The following ADGRV1 variants were observed in gnomAD, a reference collection of about 807,000 sequenced individuals.
ADGRV1 encodes adhesion G protein-coupled receptor V1, also known as G-protein coupled receptor 98.
ADGRV1 carries 359 observed loss-of-function variants against 596.2 expected under a neutral mutation model. The ratio of observed to expected loss-of-function variants is 0.60; its 90% CI spans 0.55 to 0.66. ADGRV1 has a LOEUF of 0.66. ADGRV1 is among the 30% of genes least tolerant of loss of function. The pLI is 0.00. For missense variants in ADGRV1, 7,274 were observed against 7,575.6 expected, an observed-to-expected ratio of 0.96 and a Z score of 1.48; for synonymous variants, 2,681 against 2,679.2, an observed-to-expected ratio of 1.00 and a Z score of -0.02.
At chr5:90,719,320 C>CATAAATAAATAA (rs3045849) in intron 43 of ADGRV1, among the ~76,000 whole-genome samples, 17 of 149,470 alleles carry the variant, frequency 1.1e-4, no homozygotes, top group South Asian at 8.7e-4. Context: ...GACTCTGTCT[C>CATAAATAAATAA]ATAAATAAAT....
rs770210190 is a variant in ADGRV1, at chr5:90,628,542, TTTC to T, written c.1239-17_1239-15del. 2 of 1,605,330 alleles carry T rather than the reference TTTC, an allele frequency of 1.2e-6. No homozygotes were observed. The highest frequency in any genetic ancestry group is 1.7e-6 in the Non-Finnish European group (2 of 1,172,876). ...AAAGTGTACTATGTGACAATATGTA[TTTC>T]TTTTAAAACATTTAAGATATGAAGA... is the stretch of plus-strand genomic sequence containing the variant. On this transcript the variant is annotated splice_polypyrimidine_tract_variant and intron_variant, in intron 7 of 89. Coordinates refer to ENST00000405460, the MANE Select transcript of ADGRV1 (RefSeq NM_032119.4).
Position 90,628,468 on chromosome 5 carries a change from C to G in ADGRV1, c.1239-94C>G, listed in dbSNP as rs1050746397. The G allele has an allele frequency of 5.1e-6, 5 of 981,566 alleles. No individual in the cohort carries two copies. The African/African-American group carries it at 8.1e-5, about 16-fold the overall frequency. 60.8% of individuals were successfully genotyped at this position (981,566 alleles called of 1,614,324 possible). Reference sequence around the variant, plus strand: ...TTTGTTGTATAGATTCTGTTTTTATCAGTGTCTAATGGACAACTTGACATT... The same window carrying G: ...TTTGTTGTATAGATTCTGTTTTTATGAGTGTCTAATGGACAACTTGACATT... On this transcript the variant is annotated intron_variant, in intron 7 of 89. Coordinates refer to ENST00000405460, the MANE Select transcript of ADGRV1 (RefSeq NM_032119.4).
chr5:90,919,313 A>G (rs1229376273), intron 83 of ADGRV1, among the ~76,000 whole-genome samples: 1 of 152,206 alleles, frequency 6.6e-6, no homozygotes, highest in Non-Finnish European at 1.5e-5. Context: ...TTGCCCGATC[A>G]TAAAAGCAAT....
At chr5:90,823,147 T>A (rs768936032) in intron 75 of ADGRV1, among the ~76,000 whole-genome samples, 39 of 152,328 alleles carry the variant, frequency 2.6e-4, no homozygotes, top group Non-Finnish European at 5.6e-4. Context: ...ATTATTTGTT[T>A]TTACATTCCT....
At chr5:91,053,508 A>G (rs996967277) in intron 85 of ADGRV1, among the ~76,000 whole-genome samples, 4 of 152,188 alleles carry the variant, frequency 2.6e-5, no homozygotes, top group Non-Finnish European at 5.9e-5. Context: ...TTTTAAGTGC[A>G]CAGATGATTC....
chr5:90,599,024 G>T (rs1761065858), intron 1 of ADGRV1, among the ~76,000 whole-genome samples: 1 of 152,044 alleles, frequency 6.6e-6, no homozygotes, highest in African/African-American at 2.4e-5. Flanking sequence ...AATGAGAAAA[G>T]AAGAGAAACA....
chr5:90,977,554 A>T (rs969393712), intron 84 of ADGRV1, among the ~76,000 whole-genome samples: 3 of 152,262 alleles, frequency 2.0e-5, no homozygotes, highest in Non-Finnish European at 4.4e-5. Flanking sequence ...AATATGCATT[A>T]TATGAAGATA....
intron 83 of ADGRV1, among the ~76,000 whole-genome samples, chr5:90,927,639 G>A (rs1355466313): frequency 6.6e-6 from 1 of 152,044 alleles, no homozygotes; most frequent in Non-Finnish European, 1.5e-5. Flanking sequence ...TACATTTAAA[G>A]TTAATGTTGT....
chr5:90,718,950 G>T (rs1750533656), intron 43 of ADGRV1, among the ~76,000 whole-genome samples: 1 of 151,982 alleles, frequency 6.6e-6, no homozygotes, highest in South Asian at 2.1e-4. Flanking sequence ...TTATTTTGAG[G>T]TATAAGTAGT....
Position 90,716,464 on chromosome 5 carries a change from C to T in ADGRV1, c.9185-3C>T, listed in dbSNP as rs1403921758. 3 of 1,522,528 alleles carry T rather than the reference C, an allele frequency of 2.0e-6. No individual in the cohort carries two copies. Among genetic ancestry groups the T allele is most frequent in the East Asian group, 2.3e-5 (1 of 43,914 alleles). 94.3% of individuals were successfully genotyped at this position (1,522,528 alleles called of 1,614,324 possible). On this transcript the variant is annotated splice_polypyrimidine_tract_variant and splice_region_variant and intron_variant, in intron 42 of 89. Transcript: ENST00000405460. ...TGTTGCTTTAATATTTTTATTTTGGCAGCCTTAATTATTGTCCTTGCTAAT... is the reference window on the plus strand; with the variant it reads ...TGTTGCTTTAATATTTTTATTTTGGTAGCCTTAATTATTGTCCTTGCTAAT...
chr5:90,620,953 T>C (rs571379630), intron 4 of ADGRV1, among the ~76,000 whole-genome samples: 1 of 152,356 alleles, frequency 6.6e-6, no homozygotes, highest in South Asian at 2.1e-4. Flanking sequence ...GAAACTTCCT[T>C]TCATTTCACT....
chr5:90,767,455 G>T (rs1408053982), intron 59 of ADGRV1, among the ~76,000 whole-genome samples: 1 of 152,020 alleles, frequency 6.6e-6, no homozygotes, highest in South Asian at 2.1e-4. Context: ...ATTATTAAAA[G>T]AGAAAATATT....
At chr5:90,833,424 A>G (rs1036077065) in intron 77 of ADGRV1, among the ~76,000 whole-genome samples, 1 of 152,106 alleles carries the variant, frequency 6.6e-6, no homozygotes, top group Non-Finnish European at 1.5e-5. Flanking sequence ...AGCCGTGACT[A>G]CAAGTGCACA....
chr5:91,066,114 T>A (rs1395207449), intron 85 of ADGRV1, among the ~76,000 whole-genome samples: 1 of 152,216 alleles, frequency 6.6e-6, no homozygotes, highest in Admixed American at 6.5e-5. Flanking sequence ...CGTTGTCTCA[T>A]TTTCTCTTCT....
Position 90,675,454 on chromosome 5 carries a change from C to G in ADGRV1, c.5313+9C>G. 6.2e-7 allele frequency: 1 copy of G among 1,609,078 alleles called. No individual in the cohort carries two copies. The highest frequency in any genetic ancestry group is 8.5e-7 in the Non-Finnish European group (1 of 1,176,906). On this transcript the variant is annotated intron_variant, in intron 24 of 89. Coordinates refer to ENST00000405460, the MANE Select transcript of ADGRV1 (RefSeq NM_032119.4). ...GTCCTGAGGATTACCAGGTAATTTA[C>G]TCAGTCCTTTTGAAGTTGTATTTGC...
At chr5:90,854,534 C>A (rs1766841450) in intron 81 of ADGRV1, among the ~76,000 whole-genome samples, 1 of 152,190 alleles carries the variant, frequency 6.6e-6, no homozygotes, top group Non-Finnish European at 1.5e-5. Flanking sequence ...TTCTTTTACC[C>A]TTTCCATCTG....
intron 1 of ADGRV1, among the ~76,000 whole-genome samples, chr5:90,587,199 G>T (rs1015215979): frequency 6.6e-6 from 1 of 152,068 alleles, no homozygotes; most frequent in Non-Finnish European, 1.5e-5. Context: ...CAATGGGAAC[G>T]CTTTCATGTT....
At chr5:91,065,146 T>A (rs1787777538) in intron 85 of ADGRV1, among the ~76,000 whole-genome samples, 1 of 152,212 alleles carries the variant, frequency 6.6e-6, no homozygotes, top group Non-Finnish European at 1.5e-5. Flanking sequence ...AATTCTTGAT[T>A]GCTAGATCAT....
At chr5:91,126,003 C>T (rs146173050) in intron 87 of ADGRV1, among the ~76,000 whole-genome samples, 3,424 of 152,262 alleles carry the variant, frequency 0.022, 104 homozygotes, top group African/African-American at 0.068. Flanking sequence ...TTTCCATGCC[C>T]ACTCTAGTTT....
Sources: gnomAD v4.1 joint callset for allele counts (sites outside exome capture counted in the v4.1 genomes callset) on GRCh38, gnomAD v4.1.1 for gene constraint, MANE v1.5 for transcripts, NCBI Gene and HGNC (gene_info 2026-07-23, HGNC 2026-07-21) for gene names.